KAZN: variants seen among roughly 807,000 people sequenced by gnomAD.
The protein encoded by KAZN is kazrin.
A neutral mutation model predicts 87.4 loss-of-function variants in KAZN; 40 were observed. The ratio of observed to expected loss-of-function variants is 0.46; its 90% CI spans 0.36 to 0.60. The LOEUF (loss-of-function observed/expected upper bound fraction) is 0.60. Ranked by LOEUF, KAZN falls within the 20% of genes least tolerant of loss-of-function variation. KAZN has a pLI of 0.00. For synonymous variants in KAZN, 466 were observed against 458.3 expected, an observed-to-expected ratio of 1.02 and a Z score of -0.22; for missense variants, 898 against 1,073.9, an observed-to-expected ratio of 0.84 and a Z score of 2.29.
chr1:14,841,127 GC>G (rs1423390247), intron 1 of KAZN, among the ~76,000 whole-genome samples: 1 of 152,128 alleles, frequency 6.6e-6, no homozygotes, highest in East Asian at 1.9e-4. Flanking sequence ...TAGAAATGGA[GC>G]CATAAGCGGC....
chr1:14,070,123 C>T (rs938947035), intron 1 of KAZN, among the ~76,000 whole-genome samples: 3 of 140,172 alleles, frequency 2.1e-5, no homozygotes, highest in Middle Eastern at 4.3e-3. Context: ...GAGCCGAGAT[C>T]GCACCACTGC....
At chr1:14,592,473 C>T (rs1265463909) in intron 2 of KAZN, among the ~76,000 whole-genome samples, 2 of 152,164 alleles carry the variant, frequency 1.3e-5, no homozygotes, top group Non-Finnish European at 1.5e-5. Flanking sequence ...ATGCAGATAT[C>T]GAGACACTGG....
At chr1:14,802,814 G>A (rs1009014688) in intron 1 of KAZN, among the ~76,000 whole-genome samples, 22 of 152,140 alleles carry the variant, frequency 1.4e-4, no homozygotes, top group South Asian at 4.2e-4. Flanking sequence ...ATGAGCACTC[G>A]GTGATGGAGC....
At chr1:14,609,385 G>A (rs959112524) in intron 1 of KAZN, among the ~76,000 whole-genome samples, 1 of 152,154 alleles carries the variant, frequency 6.6e-6, no homozygotes, top group Non-Finnish European at 1.5e-5. Context: ...CTGTAGAGAA[G>A]GATCATGATC....
intron 2 of KAZN, among the ~76,000 whole-genome samples, chr1:14,276,379 A>G (rs949102760): frequency 2.0e-4 from 30 of 152,148 alleles, no homozygotes; most frequent in Non-Finnish European, 2.5e-4. Flanking sequence ...GGTGAATTAC[A>G]TTGTGTTCAT....
At chr1:14,925,385 C>T (rs796249353) in intron 1 of KAZN, among the ~76,000 whole-genome samples, 6 of 152,192 alleles carry the variant, frequency 3.9e-5, no homozygotes, top group African/African-American at 1.4e-4. Context: ...ATACTTTTTC[C>T]GGGAAAAACG....
chr1:14,633,706 C>T (rs1325608837), intron 1 of KAZN, among the ~76,000 whole-genome samples: 2 of 152,158 alleles, frequency 1.3e-5, no homozygotes, highest in African/African-American at 4.8e-5. Context: ...CAGTCCTCGA[C>T]TCTCAGACTC....
chr1:14,014,891 G>A (rs1236290982), intron 1 of KAZN, among the ~76,000 whole-genome samples: 3 of 152,138 alleles, frequency 2.0e-5, no homozygotes, highest in Non-Finnish European at 4.4e-5. Flanking sequence ...TTTTTTGCTG[G>A]TAAGGAAATG....
chr1:14,005,038 C>G (rs1364586741), intron 1 of KAZN, among the ~76,000 whole-genome samples: 2 of 152,088 alleles, frequency 1.3e-5, no homozygotes, highest in Non-Finnish European at 2.9e-5. Flanking sequence ...GACTTTCCAG[C>G]CTCCATAACT....
At chr1:14,628,558 C>T (rs952106651) in intron 1 of KAZN, among the ~76,000 whole-genome samples, 1 of 152,138 alleles carries the variant, frequency 6.6e-6, no homozygotes. Context: ...CAAGTAAAAG[C>T]GAAGGCATTT....
chr1:13,905,559 C>G (rs1418593590), intron 1 of KAZN, among the ~76,000 whole-genome samples: 1 of 152,182 alleles, frequency 6.6e-6, no homozygotes, highest in Non-Finnish European at 1.5e-5. Context: ...TCTCATCTTC[C>G]CTGATGTCGA....
intron 2 of KAZN, among the ~76,000 whole-genome samples, chr1:14,228,932 A>G (rs1647544533): frequency 6.6e-6 from 1 of 152,198 alleles, no homozygotes; most frequent in Non-Finnish European, 1.5e-5. Context: ...GCATTCCCAG[A>G]ACCATACTCA....
intron 1 of KAZN, among the ~76,000 whole-genome samples, chr1:14,174,073 CATTA>C (rs1257693517): frequency 8.5e-5 from 13 of 152,268 alleles, no homozygotes; most frequent in African/African-American, 2.4e-4. Flanking sequence ...ATTCAGCTTG[CATTA>C]ATTATGTTTT....
At chr1:14,619,202 G>GT (rs35156508) in intron 1 of KAZN, among the ~76,000 whole-genome samples, 192 of 146,074 alleles carry the variant, frequency 1.3e-3, no homozygotes, top group Middle Eastern at 3.6e-3. Context: ...ATCATTCTTG[G>GT]TTTTTTTTTT....
At chr1:14,508,443 C>T (rs370249989) in intron 2 of KAZN, among the ~76,000 whole-genome samples, 2 of 152,150 alleles carry the variant, frequency 1.3e-5, no homozygotes, top group East Asian at 3.8e-4. Flanking sequence ...AACGTTGCCA[C>T]ACCAAAGTTA....
intron 1 of KAZN, among the ~76,000 whole-genome samples, chr1:14,051,114 G>C (rs962125258): frequency 1.3e-5 from 2 of 152,306 alleles, no homozygotes; most frequent in African/African-American, 4.8e-5. Flanking sequence ...GAGGGGGTCA[G>C]TGGATGGAAA....
chr1:14,300,797 C>T (rs1375371578), intron 2 of KAZN, among the ~76,000 whole-genome samples: 2 of 152,146 alleles, frequency 1.3e-5, no homozygotes, highest in African/African-American at 2.4e-5. Context: ...TTCTCCCCTA[C>T]AAATCAGTTT....
chr1:14,368,902 T>C (rs574952782), intron 2 of KAZN, among the ~76,000 whole-genome samples: 2 of 152,200 alleles, frequency 1.3e-5, no homozygotes, highest in East Asian at 3.9e-4. Context: ...CCGTGTTAGG[T>C]AGTTCTCTCC....
intron 2 of KAZN, among the ~76,000 whole-genome samples, chr1:14,377,195 A>C (rs1038578927): frequency 6.6e-6 from 1 of 152,234 alleles, no homozygotes; most frequent in South Asian, 2.1e-4. Flanking sequence ...TAGACATTAC[A>C]AAATAACATG....
Sources: gnomAD v4.1 joint callset for allele counts (sites outside exome capture counted in the v4.1 genomes callset) on GRCh38, gnomAD v4.1.1 for gene constraint, MANE v1.5 for transcripts, NCBI Gene and HGNC (gene_info 2026-07-23, HGNC 2026-07-21) for gene names.